Variants in TFPI2 observed in about 807,000 individuals in gnomAD.
TFPI2 encodes the protein placental protein 5.
In TFPI2, 23 loss-of-function variants were observed where a neutral mutation model predicts 23.1. The ratio of observed to expected loss-of-function variants is 1.00; its 90% CI spans 0.72 to 1.41. The LOEUF (loss-of-function observed/expected upper bound fraction) is 1.41. Ranked by LOEUF, TFPI2 falls within the 40% of genes most tolerant of loss-of-function variation. The pLI is 0.00. For missense variants in TFPI2, 291 were observed against 299.6 expected, an observed-to-expected ratio of 0.97 and a Z score of 0.21; for synonymous variants, 119 against 111.7, an observed-to-expected ratio of 1.07 and a Z score of -0.41.
At chr7:93,890,459 TC>T in intron 1 of TFPI2, 131 bp downstream of exon 1, 5 of 1,405,482 alleles carry the variant, frequency 3.6e-6, no homozygotes, top group Non-Finnish European at 4.8e-6. Context: ...TGGGAGCGAG[TC>T]CCCCCTGCCA....
chr7:93,888,536 G>GGAAA (rs1182892315), intron 3 of TFPI2, among the ~76,000 whole-genome samples: 24 of 94,500 alleles, frequency 2.5e-4, no homozygotes, highest in African/African-American at 8.8e-4. Context: ...AAGGAAGGAA[G>GGAAA]GAAGGAAAGA....
intron 4 of TFPI2, among the ~76,000 whole-genome samples, 181 bp from the exon 5 acceptor site, chr7:93,887,077 C>G (rs1794007487): frequency 6.6e-6 from 1 of 152,062 alleles, no homozygotes; most frequent in African/African-American, 2.4e-5. Flanking sequence ...ATACAGCTAC[C>G]GTCTACTGCA....
chr7:93,888,947 CAT>C (rs558934996), intron 3 of TFPI2, 86 bp downstream of exon 3: 70 of 1,183,018 alleles, frequency 5.9e-5, no homozygotes, highest in Admixed American at 2.9e-4. Flanking sequence ...TGAAAATGCA[CAT>C]GTTAATTTCG....
rs924246241 is a variant in TFPI2, at chr7:93,885,855, G to A, written c.*965C>T. 2 of 152,014 alleles carry A rather than the reference G, an allele frequency of 1.3e-5. No homozygotes were observed. The highest frequency in any genetic ancestry group is 6.5e-5 in the Admixed American group (1 of 15,268). The allele number at this position is 152,014 out of a possible 1,614,324, so 9.4% of individuals were successfully genotyped here. On this transcript the variant is annotated 3_prime_UTR_variant, in exon 5 of 5. Coordinates refer to ENST00000222543, the MANE Select transcript of TFPI2 (RefSeq NM_006528.4). ...ATTTGTCATTTTGCATATTTAATTT[G>A]TAATTAAATATGTTAATCTTGCTAT...
chr7:93,890,125 C>A lies in TFPI2; in HGVS notation c.271+12G>T. ...GGAGCGCGAGAGTCCTGGGTGCGCG[C>A]AGGGCACTTACTTTCTATCCTCCAG... On this transcript the variant is annotated intron_variant, in intron 2 of 4. Coordinates refer to ENST00000222543, the MANE Select transcript of TFPI2 (RefSeq NM_006528.4). The A allele has an allele frequency of 1.3e-6, 2 of 1,580,750 alleles. No homozygotes were observed. Among genetic ancestry groups the A allele is most frequent in the South Asian group, 1.1e-5 (1 of 88,146 alleles).
rs149215949 is a variant in TFPI2, at chr7:93,886,845, C to T, written c.683G>A (p.Arg228Gln). Residue 228 changes from arginine to glutamine, a missense_variant, in exon 5 of 5, where the codon CGG becomes CAG. Coordinates refer to ENST00000222543, the MANE Select transcript of TFPI2 (RefSeq NM_006528.4). Reference sequence around the variant, plus strand: ...TTAAAATTGCTTCTTCCGAATTTTCCGGATTCTACTGGCAAAGCGAAGCTT... The same window carrying T: ...TTAAAATTGCTTCTTCCGAATTTTCTGGATTCTACTGGCAAAGCGAAGCTT... ...MPKLRFASRIRKIRKKQF is the reference protein window; with the variant it reads ...MPKLRFASRIQKIRKKQF 1.3e-4 allele frequency: 204 copies of T among 1,553,256 alleles called. No homozygotes were observed. The African/African-American group carries it at 2.3e-3, about 18-fold the overall frequency.
In TFPI2 at chr7:93,889,068, C is replaced by T; in HGVS notation, c.427G>A (p.Ala143Thr). 6.2e-7 allele frequency: 1 copy of T among 1,610,714 alleles called. No homozygotes were observed. The highest frequency in any genetic ancestry group is 8.5e-7 in the Non-Finnish European group (1 of 1,179,008). The change falls in exon 3 of 5, where the codon GCT becomes ACT. Residue 143 changes from alanine to threonine, a missense_variant. By Grantham distance (58) the Ala-to-Thr change is moderately conservative. Coordinates refer to ENST00000222543, the MANE Select transcript of TFPI2 (RefSeq NM_006528.4). ...NRIENRFPDEATCMGFCAPKK... is the reference protein window; with the variant it reads ...NRIENRFPDETTCMGFCAPKK... ...GGTGCGCAGAAGCCCATACAAGTAG[C>T]TTCATCTGGAAACCTGTTCTCAATC...
In TFPI2 at chr7:93,890,597, G is replaced by C. The variant is rs759831116; in HGVS notation, c.82C>G (p.Pro28Ala). 1.2e-6 allele frequency: 2 copies of C among 1,613,300 alleles called. No individual in the cohort carries two copies. The highest frequency in any genetic ancestry group is 1.1e-5 in the South Asian group (1 of 91,040). Residue 28 changes from proline (P) to alanine (A), a missense_variant, in exon 1 of 5, where the codon CCA becomes GCA. Physicochemically the swap from Pro to Ala is conservative, Grantham distance 27 (BLOSUM62 -1). Coordinates refer to ENST00000222543, the MANE Select transcript of TFPI2 (RefSeq NM_006528.4). Reference sequence around the variant, plus strand: ...TCCTGGAGCGGCCAGATACCTGTTGGCTCCTGAGCAGCATCGCCCAGTGCA... The same window carrying C: ...TCCTGGAGCGGCCAGATACCTGTTGCCTCCTGAGCAGCATCGCCCAGTGCA... ...EAALGDAAQE[P>A]TGNNAEICLL...
chr7:93,885,633 T>C lies in TFPI2; in HGVS notation c.*1187A>G, dbSNP rs1211802467. The C allele has an allele frequency of 1.3e-5, 2 of 152,092 alleles. No homozygotes were observed. The highest frequency in any genetic ancestry group is 2.9e-5 in the Non-Finnish European group (2 of 67,938). 9.4% of individuals were successfully genotyped at this position (152,092 alleles called of 1,614,324 possible). Reference sequence around the variant, plus strand: ...TAGGCCCTGTGTTTCTTATGTATCCTGGGAGTCAGAAGATATGCATATATA... The same window carrying C: ...TAGGCCCTGTGTTTCTTATGTATCCCGGGAGTCAGAAGATATGCATATATA... On this transcript the variant is annotated 3_prime_UTR_variant, in exon 5 of 5. Transcript: ENST00000222543.
Position 93,886,710 on chromosome 7 carries a change from G to C in TFPI2, c.*110C>G. The C allele has an allele frequency of 1.3e-6, 1 of 783,390 alleles. No individual in the cohort carries two copies. Among genetic ancestry groups the C allele is most frequent in the Middle Eastern group, 3.3e-4 (1 of 3,006 alleles). The allele number at this position is 783,390 out of a possible 1,614,324, so 48.5% of individuals were successfully genotyped here. A position where few individuals can be genotyped will look rare whatever the true frequency, so the allele number is the denominator to read the frequency against. ...AAGTGACTTGTATTAATAAAAACTG[G>C]TGAATAAATCACCAATGATTTGTTT... On this transcript the variant is annotated 3_prime_UTR_variant, in exon 5 of 5. Transcript: ENST00000222543.
intron 3 of TFPI2, among the ~76,000 whole-genome samples, chr7:93,888,544 AGAAGGAAG>A (rs56960901): frequency 0.035 from 3,673 of 105,322 alleles, 108 homozygotes; most frequent in Middle Eastern, 0.071. Context: ...AAGGAAGGAA[AGAAGGAAG>A]GAAGGAAGGA....
At position 93,890,703 on chromosome 7, in the gene TFPI2, T is replaced by G. The variant is rs757789874; in HGVS notation, c.-25A>C. 3.8e-6 allele frequency: 6 copies of G among 1,595,116 alleles called. No homozygotes were observed. The South Asian group carries it at 6.7e-5, about 18-fold the overall frequency. On this transcript the variant is annotated 5_prime_UTR_variant, in exon 1 of 5. Transcript: ENST00000222543. The stretch of plus-strand genomic sequence containing the variant: ...TGGTGCAGGGGGTCGGGCGGCCCGC[T>G]GGGCAAGGCGTCCGAGAAAGCGCCT...
At position 93,889,146 on chromosome 7, in the gene TFPI2, G is replaced by C. The variant is rs775047372; in HGVS notation, c.349C>G (p.Leu117Val). ...EGSTEKYFFNLSSMTCEKFFS... is the reference protein window; with the variant it reads ...EGSTEKYFFNVSSMTCEKFFS... ...AATTTTTCACATGTCATGGAACTTA[G>C]ATTAAAGAAATACTTTTCTGTGGAC... The change falls in exon 3 of 5, where the codon CTA becomes GTA. Residue 117 changes from leucine (L) to valine (V), a missense_variant. Physicochemically the swap from Leu to Val is conservative, Grantham distance 32. Coordinates refer to ENST00000222543, the MANE Select transcript of TFPI2 (RefSeq NM_006528.4). The C allele has an allele frequency of 6.2e-7, 1 of 1,613,360 alleles. No homozygotes were observed. Among genetic ancestry groups the C allele is most frequent in the Non-Finnish European group, 8.5e-7 (1 of 1,179,764 alleles).
At position 93,886,111 on chromosome 7, in the gene TFPI2, T is replaced by C. The variant is rs566030024; in HGVS notation, c.*709A>G. 2.0e-5 allele frequency: 3 copies of C among 152,180 alleles called. No individual in the cohort carries two copies. The South Asian group carries it at 6.2e-4, about 32-fold the overall frequency. The allele number at this position is 152,180 out of a possible 1,614,324, so 9.4% of individuals were successfully genotyped here. On this transcript the variant is annotated 3_prime_UTR_variant, in exon 5 of 5. Coordinates refer to ENST00000222543, the MANE Select transcript of TFPI2 (RefSeq NM_006528.4). ...AAGTTTAGTGGTCTCCAACCCACAATGTCTTAGGAAATAATTTAACAATAG... is the reference window on the plus strand; with the variant it reads ...AAGTTTAGTGGTCTCCAACCCACAACGTCTTAGGAAATAATTTAACAATAG...
intron 3 of TFPI2, among the ~76,000 whole-genome samples, chr7:93,888,661 G>T (rs1383696825): frequency 1.5e-5 from 2 of 129,924 alleles, no homozygotes; most frequent in Non-Finnish European, 3.6e-5. Context: ...GAAAGAGAAA[G>T]AAGAAAAAAA....
rs1793983497 is a variant in TFPI2, at chr7:93,886,012, A to G, written c.*808T>C. ...TTATTAAATTTATGCATGGTTTCTC[A>G]TGCATGGTTTATATAAATAAACACC... is the stretch of plus-strand genomic sequence containing the variant. On this transcript the variant is annotated 3_prime_UTR_variant, in exon 5 of 5. Coordinates refer to ENST00000222543, the MANE Select transcript of TFPI2 (RefSeq NM_006528.4). The G allele has an allele frequency of 6.6e-6, 1 of 152,076 alleles. No homozygotes were observed. The highest frequency in any genetic ancestry group is 1.5e-5 in the Non-Finnish European group (1 of 67,926). The allele number at this position is 152,076 out of a possible 1,614,324, so 9.4% of individuals were successfully genotyped here.
rs1451073832 is a variant in TFPI2 at position 93,886,674 on chromosome 7, A to T, written c.*146T>A. 1.7e-6 allele frequency: 1 copy of T among 577,960 alleles called. No homozygotes were observed. The highest frequency in any genetic ancestry group is 2.9e-6 in the Non-Finnish European group (1 of 347,950). The allele number at this position is 577,960 out of a possible 1,614,324, so 35.8% of individuals were successfully genotyped here. ...AGCTAGTTATATATAAAAAAATCCA[A>T]ATTTTTTAAAAAGTGACTTGTATTA... is the stretch of plus-strand genomic sequence containing the variant. On this transcript the variant is annotated 3_prime_UTR_variant, in exon 5 of 5. Transcript: ENST00000222543.
At chr7:93,890,511 AG>A in intron 1 of TFPI2, 79 bp downstream of exon 1, 1 of 1,484,118 alleles carries the variant, frequency 6.7e-7, no homozygotes, top group Non-Finnish European at 9.0e-7. Flanking sequence ...CGAGGCTTGG[AG>A]GGCGCCTACA....
intron 4 of TFPI2, 72 bp from the exon 5 acceptor site, chr7:93,886,968 G>A: frequency 8.6e-7 from 1 of 1,157,976 alleles, no homozygotes; most frequent in Non-Finnish European, 1.2e-6. Context: ...CACTATTTCT[G>A]ATAAGGTTAT....
Sources: allele counts gnomAD v4.1 joint callset (sites outside exome capture counted in the v4.1 genomes callset), GRCh38; gene constraint gnomAD v4.1.1; transcripts MANE v1.5; gene names NCBI Gene and HGNC (gene_info 2026-07-23, HGNC 2026-07-21).